Variants in EDARADD observed in about 807,000 individuals in gnomAD.
EDARADD encodes ectodysplasin-A receptor-associated adapter protein.
EDARADD carries 20 observed loss-of-function variants against 25.6 expected under a neutral mutation model. The ratio of observed to expected loss-of-function variants is 0.78; its 90% CI spans 0.55 to 1.14. EDARADD has a LOEUF of 1.14. Ranked by LOEUF, EDARADD falls within the 50% of genes most tolerant of loss-of-function variation. The pLI is 0.00. For synonymous variants in EDARADD, 86 were observed against 94.4 expected (o/e 0.91, Z 0.52); for missense variants, 225 against 270.1 (o/e 0.83, Z 1.17).
intron 3 of EDARADD, among the ~76,000 whole-genome samples, chr1:236,379,430 T>C (rs540406332): frequency 2.0e-5 from 3 of 151,902 alleles, no homozygotes; most frequent in South Asian, 2.1e-4. Context: ...AGAAAACAGA[T>C]ACCCTTGAAA....
chr1:236,428,691 C>A (rs1658000004), intron 4 of EDARADD, among the ~76,000 whole-genome samples: 1 of 46,526 alleles, frequency 2.1e-5, no homozygotes, highest in Non-Finnish European at 8.6e-5. Flanking sequence ...ACTTCCCAGA[C>A]TGGGCTGCCG....
intron 5 of EDARADD, among the ~76,000 whole-genome samples, chr1:236,473,482 C>T (rs1050548515): frequency 6.6e-6 from 1 of 152,002 alleles, no homozygotes; most frequent in African/African-American, 2.4e-5. Flanking sequence ...CTGCCTCCTT[C>T]AAAAAATAAA....
At chr1:236,414,426 A>G in intron 3 of EDARADD, 127 bp downstream of exon 3, 1 of 696,400 alleles carries the variant, frequency 1.4e-6, no homozygotes, top group Non-Finnish European at 2.5e-6. Flanking sequence ...TTAGCTCGTG[A>G]CTTGTGACAT....
rs183711351 is a variant in EDARADD, at chr1:236,452,208, G to C, written c.220-16023G>C. Among the ~76,000 whole-genome samples the C allele has an allele frequency of 4.4e-3, 677 of 152,272 alleles. 8 individuals are homozygous for C. Among genetic ancestry groups the C allele is most frequent in the African/African-American group, 0.016 (646 of 41,536 alleles). On this transcript the variant is annotated intron_variant, in intron 4 of 5. Transcript: ENST00000334232. ...GGTGATCTTGACGCCCTCATCACTTGGCTTGGATGGGGCAGAGAGCAGCCC... is the reference window on the plus strand; with the variant it reads ...GGTGATCTTGACGCCCTCATCACTTCGCTTGGATGGGGCAGAGAGCAGCCC...
chr1:236,391,438 C>A (rs1006548266), upstream of EDARADD, among the ~76,000 whole-genome samples: 1 of 152,176 alleles, frequency 6.6e-6, no homozygotes, highest in Non-Finnish European at 1.5e-5. Flanking sequence ...CATCTTCCAT[C>A]ACATATGATT....
At chr1:236,376,661 A>G (rs943073768) in intron 3 of EDARADD, among the ~76,000 whole-genome samples, 6 of 152,096 alleles carry the variant, frequency 3.9e-5, no homozygotes, top group Non-Finnish European at 8.8e-5. Flanking sequence ...TTTGGCATTT[A>G]TCCTGCTTTG....
At chr1:236,464,423 C>CTTT (rs35064410) in intron 4 of EDARADD, among the ~76,000 whole-genome samples, 4,272 of 72,768 alleles carry the variant, frequency 0.059, 357 homozygotes, top group Non-Finnish European at 0.08. Flanking sequence ...CTTGCTGCAA[C>CTTT]TTTTTTTTTT....
chr1:236,398,190 T>G lies in EDARADD; in HGVS notation c.61+3685T>G, dbSNP rs911602320. ...CCCAGGCTGGAGTGCAGTGGCGTGA[T>G]CCCCACTCACTGCAACCTCCGCCTC... On this transcript the variant is annotated intron_variant, in intron 1 of 5. Transcript: ENST00000334232. The surrounding 1 kb of genome is among the most constrained non-coding windows in gnomAD (Gnocchi z 4.1). 6.6e-6 allele frequency among the ~76,000 whole-genome samples: 1 copy of G among 152,076 alleles called. No homozygotes were observed. The highest frequency in any genetic ancestry group is 1.5e-5 in the Non-Finnish European group (1 of 68,014).
chr1:236,479,636 G>T (rs1659610661), intron 5 of EDARADD, among the ~76,000 whole-genome samples: 1 of 151,420 alleles, frequency 6.6e-6, no homozygotes, highest in Non-Finnish European at 1.5e-5. Context: ...TCTACTCCAT[G>T]CTCCCCATGC....
intron 3 of EDARADD, among the ~76,000 whole-genome samples, chr1:236,381,825 T>C (rs905739461): frequency 2.8e-4 from 41 of 145,598 alleles, no homozygotes; most frequent in African/African-American, 1.0e-3. Context: ...TTTTTTTTTT[T>C]CAGAGTTGGA....
At chr1:236,476,193 C>CAAATAAATAAATAAAT (rs148065571) in intron 5 of EDARADD, among the ~76,000 whole-genome samples, 35 of 146,140 alleles carry the variant, frequency 2.4e-4, no homozygotes, top group African/African-American at 6.5e-4. Context: ...GACTCCATCT[C>CAAATAAATAAATAAAT]AAATAAATAA....
rs967110244 is a variant in EDARADD at position 236,468,399 on chromosome 1, G to A, written c.265+123G>A. The A allele has an allele frequency of 1.2e-4, 120 of 963,832 alleles. 1 individual carries two copies. The highest frequency in any genetic ancestry group is 5.2e-4 in the East Asian group (20 of 38,272). The allele number at this position is 963,832 out of a possible 1,614,324, so 59.7% of individuals were successfully genotyped here. A position where few individuals can be genotyped will look rare whatever the true frequency, so the allele number is the denominator to read the frequency against. ...AGCACTTTGGGAGGCCAAGGTGGGC[G>A]GATCACCTGAGGTCAGGAGTTCAAG... On this transcript the variant is annotated intron_variant, in intron 5 of 5. Coordinates refer to ENST00000334232, the MANE Select transcript of EDARADD (RefSeq NM_145861.4).
At chr1:236,388,931 A>G (rs896988838) in intron 3 of EDARADD, among the ~76,000 whole-genome samples, 4 of 152,150 alleles carry the variant, frequency 2.6e-5, no homozygotes, top group African/African-American at 9.7e-5. Flanking sequence ...AACGCTAGCT[A>G]TGGTCACTGA....
At chr1:236,473,825 C>A (rs904285808) in intron 5 of EDARADD, among the ~76,000 whole-genome samples, 4 of 152,016 alleles carry the variant, frequency 2.6e-5, no homozygotes, top group Non-Finnish European at 4.4e-5. Context: ...TCTTGGAGTG[C>A]AGTGGCACCA....
chr1:236,401,360 T>C (rs968314860), intron 1 of EDARADD, among the ~76,000 whole-genome samples: 1 of 152,218 alleles, frequency 6.6e-6, no homozygotes, highest in African/African-American at 2.4e-5. Flanking sequence ...ACATACTTCC[T>C]TGTTTTCTCT....
At chr1:236,350,643 A>G (rs1666905237) in intron 2 of EDARADD, 1 of 152,228 alleles carries the variant, frequency 6.6e-6, no homozygotes, top group Non-Finnish European at 1.5e-5. Context: ...TGAGGAAAGT[A>G]TTAGTAGAAG....
At chr1:236,430,372 C>T (rs1658061020) in intron 4 of EDARADD, among the ~76,000 whole-genome samples, 1 of 152,042 alleles carries the variant, frequency 6.6e-6, no homozygotes, top group African/African-American at 2.4e-5. Context: ...TGTAGACTTC[C>T]TTGAAGATAA....
intron 4 of EDARADD, among the ~76,000 whole-genome samples, chr1:236,464,423 CTTTTTTT>C (rs35064410): frequency 6.3e-4 from 46 of 72,980 alleles, no homozygotes; most frequent in Admixed American, 3.5e-3. Flanking sequence ...CTTGCTGCAA[CTTTTTTT>C]TTTTTTTTTT....
At chr1:236,429,122 C>A (rs1003735687) in intron 4 of EDARADD, among the ~76,000 whole-genome samples, 40 of 151,656 alleles carry the variant, frequency 2.6e-4, no homozygotes, top group African/African-American at 9.7e-4. Flanking sequence ...AGAGGGAGAC[C>A]GTGCAAAGGG....
Sources: gnomAD v4.1 joint callset for allele counts (sites outside exome capture counted in the v4.1 genomes callset) on GRCh38, gnomAD v4.1.1 for gene constraint, Gnocchi (gnomAD v3.1) non-coding constraint, MANE v1.5 for transcripts, NCBI Gene and HGNC (gene_info 2026-07-23, HGNC 2026-07-21) for gene names.